Variants in MYH14 observed in about 807,000 individuals in gnomAD.
MYH14 encodes myosin-14.
A neutral mutation model predicts 255.5 loss-of-function variants in MYH14; 123 were observed. That is an observed-to-expected ratio of 0.48 (90% CI 0.42 to 0.56). The LOEUF (loss-of-function observed/expected upper bound fraction) is 0.56, where lower values mean the gene tolerates loss of function less well. Ranked by LOEUF, MYH14 falls within the 20% of genes least tolerant of loss-of-function variation. The pLI is 0.00. For missense variants in MYH14, 2,423 were observed against 2,802.3 expected (o/e 0.86, Z 3.06); for synonymous variants, 1,095 against 1,161.2 (o/e 0.94, Z 1.16).
chr19:50,309,399 C>T (rs1272503979), intron 42 of MYH14: 8 of 616,024 alleles, frequency 1.3e-5, no homozygotes, highest in African/African-American at 1.8e-5. Flanking sequence ...CCTTTCCCAC[C>T]GTGCACCACC....
chr19:50,217,909 G>A (rs2032575847), intron 3 of MYH14, 138 bp downstream of exon 3: 12 of 1,041,086 alleles, frequency 1.2e-5, no homozygotes, highest in Non-Finnish European at 1.6e-5. Flanking sequence ...GGGCTGGAGG[G>A]AGCACAAGTA....
intron 41 of MYH14, 179 bp from the exon 42 acceptor site, chr19:50,308,826 G>C (rs537009326): frequency 3.1e-6 from 2 of 647,664 alleles, no homozygotes; most frequent in East Asian, 2.8e-5. Context: ...GAGACTGGAG[G>C]TCAGGGTAGA....
intron 16 of MYH14, among the ~76,000 whole-genome samples, chr19:50,253,397 T>G (rs1487311433): frequency 4.6e-5 from 7 of 151,306 alleles, no homozygotes; most frequent in Non-Finnish European, 8.8e-5. Context: ...GAGCCAAGAT[T>G]GTGTCACTGC....
At chr19:50,260,830 T>TGCATGCACGTGTGTGC (rs1389078606) in intron 20 of MYH14, 115 bp downstream of exon 20, 1 of 775,072 alleles carries the variant, frequency 1.3e-6, no homozygotes, top group African/African-American at 1.7e-5. Context: ...CAAGTGTGTG[T>TGCATGCACGTGTGTGC]GCATGCACGT....
intron 21 of MYH14, among the ~76,000 whole-genome samples, chr19:50,262,415 G>A (rs755076325): frequency 2.6e-5 from 4 of 151,804 alleles, no homozygotes; most frequent in African/African-American, 9.7e-5. Flanking sequence ...AAAATTAGCC[G>A]TAATCCCAGC....
intron 33 of MYH14, chr19:50,284,763 T>G (rs912177591): frequency 6.6e-6 from 1 of 152,020 alleles, no homozygotes; most frequent in Non-Finnish European, 1.5e-5. Flanking sequence ...TCTGAGTTAA[T>G]TTTTACATAT....
At chr19:50,245,612 C>T (rs778750698) in intron 11 of MYH14, among the ~76,000 whole-genome samples, 41 of 152,020 alleles carry the variant, frequency 2.7e-4, no homozygotes, top group Non-Finnish European at 4.9e-4. Flanking sequence ...CGTGCTTCAC[C>T]CCCTCTTCCC....
Position 50,249,787 on chromosome 19 carries a change from C to T in MYH14, c.1620C>T (p.Leu540=), listed in dbSNP as rs376717887. The T allele has an allele frequency of 4.8e-5, 78 of 1,614,116 alleles. No individual in the cohort carries two copies. Among genetic ancestry groups the T allele is most frequent in the East Asian group, 3.3e-4 (15 of 44,888 alleles). The change falls in exon 14 of 43, where the codon CTC becomes CTT. Residue 540 remains leucine (L), a synonymous_variant. Transcript: ENST00000642316. The part of the protein sequence containing the change: ...GIPWTFLDFG[L]DLQPCIDLIE... ...CCTGGACCTTCCTCGACTTTGGCCTCGACCTGCAGCCCTGCATCGACCTCA... is the reference window on the plus strand; with the variant it reads ...CCTGGACCTTCCTCGACTTTGGCCTTGACCTGCAGCCCTGCATCGACCTCA...
intron 11 of MYH14, among the ~76,000 whole-genome samples, chr19:50,244,560 T>G (rs1245668400): frequency 2.0e-5 from 3 of 147,130 alleles, no homozygotes; most frequent in Non-Finnish European, 4.5e-5. Flanking sequence ...CTCAGCTCAC[T>G]GCAAGCTCCG....
intron 10 of MYH14, among the ~76,000 whole-genome samples, chr19:50,233,146 G>A (rs868531256): frequency 6.6e-6 from 1 of 151,946 alleles, no homozygotes; most frequent in Non-Finnish European, 1.5e-5. Context: ...CATCACCCCC[G>A]TGTCAGGGTG....
intron 3 of MYH14, among the ~76,000 whole-genome samples, chr19:50,218,216 G>A (rs2032595572): frequency 6.6e-6 from 1 of 152,040 alleles, no homozygotes; most frequent in Non-Finnish European, 1.5e-5. Context: ...CTGACCTCAA[G>A]TGATCTGCCC....
rs1434618100 is a variant in MYH14 at position 50,281,672 on chromosome 19, C to T, written c.4369C>T (p.Arg1457Trp). ...GGAGGAGGCACGGCGCCGGGCAGCCCGGGAGGCCGAGGCCCTGACCCAGCG... is the reference window on the plus strand; with the variant it reads ...GGAGGAGGCACGGCGCCGGGCAGCCTGGGAGGCCGAGGCCCTGACCCAGCG... ...AGEEARRRAAREAEALTQRLA... is the reference protein window; with the variant it reads ...AGEEARRRAAWEAEALTQRLA... Residue 1457 changes from arginine (R) to tryptophan (W), a missense_variant, in exon 33 of 43, where the codon CGG becomes TGG. Coordinates refer to ENST00000642316, the MANE Select transcript of MYH14 (RefSeq NM_001145809.2). 11 of 1,610,358 alleles carry T rather than the reference C, an allele frequency of 6.8e-6. No individual in the cohort carries two copies. Among genetic ancestry groups the T allele is most frequent in the Non-Finnish European group, 9.3e-6 (11 of 1,178,904 alleles).
Position 50,250,431 on chromosome 19 carries a change from C to T in MYH14, c.1657-84C>T, listed in dbSNP as rs2034325653. 2.8e-6 allele frequency: 4 copies of T among 1,407,522 alleles called. No individual in the cohort carries two copies. The highest frequency in any genetic ancestry group is 3.9e-5 in the Admixed American group (2 of 50,806). 87.2% of individuals were successfully genotyped at this position (1,407,522 alleles called of 1,614,324 possible). On this transcript the variant is annotated intron_variant, in intron 14 of 42. Transcript: ENST00000642316. This position sits in a 1 kb window ranked among gnomAD's most constrained non-coding sequence, Gnocchi z 5.4. The stretch of plus-strand genomic sequence containing the variant: ...CGTTTGTTTTTATGTCCAAGTGTGA[C>T]TTATAAGAGCTAAAAATCAGCAGCC...
chr19:50,265,160 C>T (rs976981436), intron 22 of MYH14, among the ~76,000 whole-genome samples: 6 of 152,150 alleles, frequency 3.9e-5, no homozygotes, highest in Admixed American at 2.0e-4. Flanking sequence ...TGCAAAAGCC[C>T]TTTCGTTAGC....
intron 24 of MYH14, among the ~76,000 whole-genome samples, chr19:50,269,195 G>GAGTC (rs549132242): frequency 6.6e-6 from 1 of 151,700 alleles, no homozygotes; most frequent in East Asian, 1.9e-4. Flanking sequence ...TTGTTTTTTT[G>GAGTC]AGTCAGAGTC....
Position 50,244,273 on chromosome 19 carries a change from G to A in MYH14, c.1146G>A (p.Gln382=), listed in dbSNP as rs753764490. The change falls in exon 11 of 43, where the codon CAG becomes CAA. Residue 382 remains glutamine (Q), a synonymous_variant. Transcript: ENST00000642316. ...SMLRMVSAVL[Q]FGNIALKRER... ...TGCGGATGGTCTCAGCAGTTCTCCA[G>A]TTTGGCAACATTGCCTTGAAGAGAG... 1 of 1,613,926 alleles carries A rather than the reference G, an allele frequency of 6.2e-7. No homozygotes were observed. Among genetic ancestry groups the A allele is most frequent in the East Asian group, 2.2e-5 (1 of 44,866 alleles).
At chr19:50,247,625 G>C (rs1026205837) in intron 12 of MYH14, among the ~76,000 whole-genome samples, 5 of 152,122 alleles carry the variant, frequency 3.3e-5, no homozygotes, top group African/African-American at 1.2e-4. Flanking sequence ...ACCTGTGAAG[G>C]GGAGGTTTTG....
At chr19:50,205,932 A>G (rs2031720992) in intron 1 of MYH14, among the ~76,000 whole-genome samples, 1 of 152,160 alleles carries the variant, frequency 6.6e-6, no homozygotes, top group Non-Finnish European at 1.5e-5. Flanking sequence ...CCTCTGCCCC[A>G]GGGCGGATCC....
intron 29 of MYH14, among the ~76,000 whole-genome samples, 171 bp downstream of exon 29, chr19:50,277,072 A>G (rs979858027): frequency 1.3e-5 from 2 of 152,210 alleles, no homozygotes; most frequent in African/African-American, 4.8e-5. Context: ...GGTGTGGACT[A>G]TGTTCCAGGA....
Sources: gnomAD v4.1 joint callset for allele counts (sites outside exome capture counted in the v4.1 genomes callset) on GRCh38, gnomAD v4.1.1 for gene constraint, Gnocchi (gnomAD v3.1) non-coding constraint, MANE v1.5 for transcripts, NCBI Gene and HGNC (gene_info 2026-07-23, HGNC 2026-07-21) for gene names.